ITGB5: variants seen among roughly 807,000 people sequenced by gnomAD.
ITGB5 encodes the protein integrin beta-5.
Under a neutral mutation model 84.8 loss-of-function variants are expected in ITGB5, and 38 were observed. That is an observed-to-expected ratio of 0.45 (90% CI 0.35 to 0.59). The LOEUF (loss-of-function observed/expected upper bound fraction) is 0.59. Ranked by LOEUF, ITGB5 falls within the 20% of genes least tolerant of loss-of-function variation. ITGB5 has a pLI of 0.01. For synonymous variants in ITGB5, 393 were observed against 414.4 expected, an observed-to-expected ratio of 0.95 and a Z score of 0.63; for missense variants, 905 against 1,034.5, an observed-to-expected ratio of 0.87 and a Z score of 1.72.
At chr3:124,820,539 T>A (rs2064685250) in intron 6 of ITGB5, among the ~76,000 whole-genome samples, 2 of 152,148 alleles carry the variant, frequency 1.3e-5, no homozygotes, top group Admixed American at 1.3e-4. Flanking sequence ...TTAAACAAGA[T>A]GGAAGGCTTG....
At chr3:124,813,078 G>A (rs1030109339) in intron 8 of ITGB5, among the ~76,000 whole-genome samples, 1 of 152,196 alleles carries the variant, frequency 6.6e-6, no homozygotes, top group African/African-American at 2.4e-5. Context: ...TGAAAGGAGA[G>A]CAGAGCTGAC....
intron 12 of ITGB5, 107 bp from the exon 13 acceptor site, chr3:124,766,452 G>A: frequency 7.4e-7 from 1 of 1,347,090 alleles, no homozygotes; most frequent in Non-Finnish European, 1.0e-6. Context: ...GGGCATGGGG[G>A]GTGTGGGCAG....
intron 3 of ITGB5, among the ~76,000 whole-genome samples, chr3:124,854,014 C>A (rs932479213): frequency 6.6e-6 from 1 of 152,186 alleles, no homozygotes; most frequent in African/African-American, 2.4e-5. Context: ...ATAAGCTTTA[C>A]TTTCAAGTTT....
intron 8 of ITGB5, among the ~76,000 whole-genome samples, chr3:124,812,395 G>A (rs530709537): frequency 2.6e-5 from 4 of 152,326 alleles, no homozygotes; most frequent in African/African-American, 9.6e-5. Flanking sequence ...GGCCAGCTGT[G>A]GAGTGGGTGG....
chr3:124,799,857 G>T (rs1018706255), intron 9 of ITGB5, among the ~76,000 whole-genome samples: 2 of 152,198 alleles, frequency 1.3e-5, no homozygotes, highest in African/African-American at 4.8e-5. Flanking sequence ...GAGCCAGCCT[G>T]GCTTACTAAA....
At chr3:124,882,705 G>A (rs912415308) in intron 1 of ITGB5, among the ~76,000 whole-genome samples, 37 of 152,308 alleles carry the variant, frequency 2.4e-4, no homozygotes, top group African/African-American at 8.2e-4. Flanking sequence ...ATCACTCTGA[G>A]GGACAGTTGA....
intron 13 of ITGB5, 94 bp downstream of exon 13, chr3:124,766,132 A>G (rs1479900037): frequency 7.6e-7 from 1 of 1,322,354 alleles, no homozygotes; most frequent in Admixed American, 2.2e-5. Context: ...GCCGATGAGG[A>G]CAGAAAGGGC....
intron 10 of ITGB5, among the ~76,000 whole-genome samples, chr3:124,774,511 G>A (rs2063894417): frequency 6.6e-6 from 1 of 152,136 alleles, no homozygotes; most frequent in East Asian, 1.9e-4. Context: ...TCTGGAGGCT[G>A]GAAAGGCCAG....
chr3:124,857,977 C>T (rs1559972040), intron 3 of ITGB5, among the ~76,000 whole-genome samples: 1 of 151,834 alleles, frequency 6.6e-6, no homozygotes, highest in African/African-American at 2.4e-5. Flanking sequence ...CTACTAAAAA[C>T]ACACACACAA....
intron 2 of ITGB5, among the ~76,000 whole-genome samples, chr3:124,867,639 T>C (rs181364477): frequency 1.3e-5 from 2 of 152,334 alleles, no homozygotes; most frequent in South Asian, 2.1e-4. Flanking sequence ...CCAGTTCTCA[T>C]TGCAGTTAGG....
chr3:124,764,307 A>G, intron 14 of ITGB5, 84 bp downstream of exon 14: 2 of 1,381,474 alleles, frequency 1.4e-6, no homozygotes, highest in Non-Finnish European at 2.0e-6. Flanking sequence ...GACATTAGTG[A>G]GCCTCTATTG....
intron 10 of ITGB5, among the ~76,000 whole-genome samples, chr3:124,793,735 A>G (rs2064182114): frequency 6.6e-6 from 1 of 152,262 alleles, no homozygotes; most frequent in Non-Finnish European, 1.5e-5. Context: ...AGACAGAACC[A>G]TCTAGCTAAC....
intron 14 of ITGB5, among the ~76,000 whole-genome samples, chr3:124,764,141 T>C (rs2063732943): frequency 6.6e-6 from 1 of 152,184 alleles, no homozygotes; most frequent in African/African-American, 2.4e-5. Context: ...AGACTCTTCC[T>C]GAGGCACGCC....
At chr3:124,882,139 C>T (rs1284981503) in intron 1 of ITGB5, among the ~76,000 whole-genome samples, 3 of 152,188 alleles carry the variant, frequency 2.0e-5, no homozygotes, top group Non-Finnish European at 4.4e-5. Context: ...CAGGTTCATC[C>T]ATTATTCATT....
At chr3:124,770,268 C>T (rs541201374) in intron 11 of ITGB5, 5 of 152,354 alleles carry the variant, frequency 3.3e-5, no homozygotes, top group East Asian at 3.9e-4. Context: ...TGGTGGCCTT[C>T]GAGGAGGGTG....
chr3:124,819,128 C>T (rs915733221), intron 7 of ITGB5, among the ~76,000 whole-genome samples: 1 of 152,212 alleles, frequency 6.6e-6, no homozygotes, highest in Admixed American at 6.5e-5. Flanking sequence ...TTAGACGGAA[C>T]AGATCCATAC....
chr3:124,781,139 T>C (rs1363880128), intron 10 of ITGB5: 1 of 152,140 alleles, frequency 6.6e-6, no homozygotes, highest in African/African-American at 2.4e-5. Flanking sequence ...GTGACAGACC[T>C]GCTTGGCGCT....
chr3:124,873,901 T>C (rs1385351860), intron 1 of ITGB5, among the ~76,000 whole-genome samples: 3 of 152,042 alleles, frequency 2.0e-5, no homozygotes, highest in Non-Finnish European at 4.4e-5. Context: ...AAAGAATACA[T>C]TGGTTTTATT....
At chr3:124,826,303 G>C (rs1439376366) in intron 5 of ITGB5, among the ~76,000 whole-genome samples, 2 of 152,158 alleles carry the variant, frequency 1.3e-5, no homozygotes, top group African/African-American at 4.8e-5. Context: ...GGGTCTTGTG[G>C]GGACACAAAG....
Sources: allele counts gnomAD v4.1 joint callset (sites outside exome capture counted in the v4.1 genomes callset), GRCh38; gene constraint gnomAD v4.1.1; transcripts MANE v1.5; gene names NCBI Gene and HGNC (gene_info 2026-07-23, HGNC 2026-07-21).